Variants in ACE observed in about 807,000 individuals in gnomAD.
ACE encodes angiotensin I converting enzyme.
A neutral mutation model predicts 162.3 loss-of-function variants in ACE; 122 were observed. The ratio of observed to expected loss-of-function variants is 0.75; its 90% CI spans 0.65 to 0.87. The LOEUF is 0.87. Among genes scored for constraint, ACE ranks in the 40% least tolerant of loss-of-function variants. The probability of loss-of-function intolerance (pLI) is 0.00; values close to 1 mark genes in which losing one functional copy is unlikely to be tolerated. For synonymous variants in ACE, 796 were observed against 720.6 expected, an observed-to-expected ratio of 1.10 and a Z score of -1.68; for missense variants, 1,799 against 1,735.1, an observed-to-expected ratio of 1.04 and a Z score of -0.65.
At chr17:63,495,581 C>T (rs1031408741) in intron 22 of ACE, among the ~76,000 whole-genome samples, 11 of 152,316 alleles carry the variant, frequency 7.2e-5, no homozygotes, top group East Asian at 1.9e-4. Flanking sequence ...CTGACCTAGA[C>T]GGTGCTCCAG....
At chr17:63,479,575 C>G (rs1018781721) in intron 3 of ACE, among the ~76,000 whole-genome samples, 194 bp from the exon 4 acceptor site, 1 of 152,190 alleles carries the variant, frequency 6.6e-6, no homozygotes, top group Non-Finnish European at 1.5e-5. Context: ...GTCTCTGGGG[C>G]AGGGGCCCTG....
In ACE at chr17:63,496,881, C is replaced by T; in HGVS notation, c.3587C>T (p.Ala1196Val). The change falls in exon 24 of 25, where the codon GCC becomes GTC. Residue 1196 changes from alanine to valine, a missense_variant. Coordinates refer to ENST00000290866, the MANE Select transcript of ACE (RefSeq NM_000789.4). The part of the protein sequence containing the change: ...ITGQPNMSAS[A>V]MLSYFKPLLD... ...GGCCAGCCCAACATGAGCGCCTCGG[C>T]CATGTTGAGCTACTTCAAGCCGCTG... is the stretch of plus-strand genomic sequence containing the variant. 1.9e-6 allele frequency: 3 copies of T among 1,613,680 alleles called. No individual in the cohort carries two copies. The highest frequency in any genetic ancestry group is 1.7e-5 in the Admixed American group (1 of 60,026).
chr17:63,479,198 AG>A, intron 3 of ACE, 98 bp downstream of exon 3: 2 of 1,052,322 alleles, frequency 1.9e-6, no homozygotes, highest in Non-Finnish European at 2.8e-6. Flanking sequence ...CTGTGGAGAC[AG>A]CAGGTAAACC....
At chr17:63,496,022 G>T (rs1213657411) in intron 22 of ACE, 2 of 339,890 alleles carry the variant, frequency 5.9e-6, no homozygotes, top group East Asian at 7.4e-5. Context: ...AGATCCACAC[G>T]GCCCATTTGG....
chr17:63,493,765 C>A lies in ACE; in HGVS notation c.3136+106C>A, dbSNP rs559999850. 3.0e-4 allele frequency: 461 copies of A among 1,518,328 alleles called. 4 individuals carry two copies. The South Asian group carries it at 5.2e-3, about 17-fold the overall frequency. 94.1% of individuals were successfully genotyped at this position (1,518,328 alleles called of 1,614,324 possible). ...GTGGCCCATGGGCAGAGGTGTGGGG[C>A]AGAGCAATCGGAAGGAAGGGAGCCA... is the stretch of plus-strand genomic sequence containing the variant. On this transcript the variant is annotated intron_variant, in intron 20 of 24. Coordinates refer to ENST00000290866, the MANE Select transcript of ACE (RefSeq NM_000789.4).
chr17:63,497,232 C>G lies in ACE; in HGVS notation c.3787C>G (p.Leu1263Val). The G allele has an allele frequency of 6.3e-7, 1 of 1,590,926 alleles. No homozygotes were observed. Among genetic ancestry groups the G allele is most frequent in the Non-Finnish European group, 8.5e-7 (1 of 1,173,130 alleles). Reference sequence around the variant, plus strand: ...GGCCCGCGTGGGCCAGTGGCTGCTGCTCTTCCTGGGCATCGCCCTGCTGGT... The same window carrying G: ...GGCCCGCGTGGGCCAGTGGCTGCTGGTCTTCCTGGGCATCGCCCTGCTGGT... ...QQARVGQWLLLFLGIALLVAT... is the reference protein window; with the variant it reads ...QQARVGQWLLVFLGIALLVAT... The change falls in exon 25 of 25, where the codon CTC (leucine) becomes GTC (valine). Residue 1263 changes from leucine to valine, a missense_variant. Physicochemically the swap from Leu to Val is conservative, Grantham distance 32 (BLOSUM62 1). Transcript: ENST00000290866.
At position 63,493,582 on chromosome 17, in the gene ACE, A is replaced by G. The variant is rs1200211350; in HGVS notation, c.3059A>G (p.Asp1020Gly). The change falls in exon 20 of 25, where the codon GAC becomes GGC. Residue 1020 changes from aspartate (D) to glycine (G), a missense_variant. By Grantham distance (94) the Asp-to-Gly change is moderately conservative. Coordinates refer to ENST00000290866, the MANE Select transcript of ACE (RefSeq NM_000789.4). ...CCCGGCTTCCATGAGGCCATTGGGG[A>G]CGTGCTAGCCCTCTCAGTGTCTACG... is the stretch of plus-strand genomic sequence containing the variant. Reference protein sequence around the residue: ...ANPGFHEAIGDVLALSVSTPK... With the variant: ...ANPGFHEAIGGVLALSVSTPK... 6.2e-7 allele frequency: 1 copy of G among 1,614,010 alleles called. No individual in the cohort carries two copies. Among genetic ancestry groups the G allele is most frequent in the Non-Finnish European group, 8.5e-7 (1 of 1,180,038 alleles).
Position 63,497,859 on chromosome 17 carries a change from C to T in ACE, c.*493C>T. On this transcript the variant is annotated 3_prime_UTR_variant, in exon 25 of 25. Transcript: ENST00000290866. ...AGCCCCTGTCTGGCCCAAGCACTGA[C>T]CCACGCGGACTCTGGGAAGCAGACA... The T allele has an allele frequency of 3.5e-6, 1 of 285,030 alleles. No individual in the cohort carries two copies. Among genetic ancestry groups the T allele is most frequent in the Non-Finnish European group, 6.9e-6 (1 of 145,908 alleles). 17.7% of individuals were successfully genotyped at this position (285,030 alleles called of 1,614,324 possible).
rs1368193999 is a variant in ACE, at chr17:63,493,639, G to A, written c.3116G>A (p.Ser1039Asn). The change falls in exon 20 of 25, where the codon AGC (serine) becomes AAC (asparagine). Residue 1039 changes from serine (S) to asparagine (N), a missense_variant. By Grantham distance (46) the Ser-to-Asn change is conservative. Coordinates refer to ENST00000290866, the MANE Select transcript of ACE (RefSeq NM_000789.4). ...CACCTGCACAGTCTCAACCTGCTGA[G>A]CAGTGAGGGTGGCAGCGACGGTGAG... ...PKHLHSLNLL[S>N]SEGGSDEHDI... is the part of the protein sequence containing the mutation. 3.7e-6 allele frequency: 6 copies of A among 1,614,020 alleles called. No individual in the cohort carries two copies. The highest frequency in any genetic ancestry group is 1.3e-5 in the African/African-American group (1 of 74,942).
At position 63,479,078 on chromosome 17, in the gene ACE, C is replaced by T; in HGVS notation, c.489C>T (p.Ala163=). The change falls in exon 3 of 25, where the codon GCC becomes GCT. Residue 163 remains alanine, a synonymous_variant. Transcript: ENST00000290866. Reference sequence around the variant, plus strand: ...AGGTCTGCCTCCCCAACAAGACTGCCACCTGCTGGTCCCTGGACCCAGGTA... The same window carrying T: ...AGGTCTGCCTCCCCAACAAGACTGCTACCTGCTGGTCCCTGGACCCAGGTA... ...TAKVCLPNKT[A]TCWSLDPDLT... 1 of 1,613,420 alleles carries T rather than the reference C, an allele frequency of 6.2e-7. No individual in the cohort carries two copies. The highest frequency in any genetic ancestry group is 2.2e-5 in the East Asian group (1 of 44,790).
chr17:63,483,139 C>T lies in ACE; in HGVS notation c.1453C>T (p.Pro485Ser), dbSNP rs202178737. 3 of 1,614,096 alleles carry T rather than the reference C, an allele frequency of 1.9e-6. No homozygotes were observed. The highest frequency in any genetic ancestry group is 1.1e-5 in the South Asian group (1 of 91,082). The stretch of plus-strand genomic sequence containing the variant: ...GGGGGTCTTTAGTGGGCGTACCCCC[C>T]CTTCCCGCTACAACTTCGACTGGTG... Reference protein sequence around the residue: ...RWGVFSGRTPPSRYNFDWWYL... With the variant: ...RWGVFSGRTPSSRYNFDWWYL... Residue 485 changes from proline to serine, a missense_variant, in exon 9 of 25, where the codon CCT becomes TCT. By Grantham distance (74) the Pro-to-Ser change is moderately conservative. Coordinates refer to ENST00000290866, the MANE Select transcript of ACE (RefSeq NM_000789.4).
In ACE at chr17:63,480,429, C is replaced by G. The variant is rs1409716305; in HGVS notation, c.748C>G (p.Leu250Val). 6.8e-6 allele frequency: 11 copies of G among 1,614,060 alleles called. No homozygotes were observed. In the South Asian group the frequency reaches 1.2e-4, roughly 18 times the overall value. Residue 250 changes from leucine to valine, a missense_variant, in exon 5 of 25, where the codon CTC becomes GTC. Transcript: ENST00000290866. ...LEHLYQQLEP[L>V]YLNLHAFVRR... ...ACACCTCTACCAACAGCTAGAGCCC[C>G]TCTACCTGAACCTCCATGCCTTCGT...
At chr17:63,495,585 G>A (rs989667978) in intron 22 of ACE, among the ~76,000 whole-genome samples, 1 of 152,222 alleles carries the variant, frequency 6.6e-6, no homozygotes, top group African/African-American at 2.4e-5. Flanking sequence ...CCTAGACGGT[G>A]CTCCAGAGAT....
chr17:63,488,842 C>G (rs772791959), intron 16 of ACE, 51 bp downstream of exon 16: 2 of 1,613,832 alleles, frequency 1.2e-6, no homozygotes, highest in Non-Finnish European at 8.5e-7. Flanking sequence ...TCATTTTCCT[C>G]AAAGAGGTGC....
chr17:63,491,199 C>T lies in ACE; in HGVS notation c.2740-10C>T. 1 of 1,613,962 alleles carries T rather than the reference C, an allele frequency of 6.2e-7. No individual in the cohort carries two copies. The highest frequency in any genetic ancestry group is 1.1e-5 in the South Asian group (1 of 91,064). ...ACCCCCAGTTTGGGCAGAACTCCCT[C>T]TGCTTGCAGGGCTGGACGCCCAGGA... On this transcript the variant is annotated splice_polypyrimidine_tract_variant and intron_variant, in intron 18 of 24. Coordinates refer to ENST00000290866, the MANE Select transcript of ACE (RefSeq NM_000789.4). The surrounding 1 kb of genome is among the most constrained non-coding windows in gnomAD (Gnocchi z 4.4).
intron 10 of ACE, 24 bp downstream of exon 10, chr17:63,483,582 A>G (rs770510919): frequency 1.0e-4 from 83 of 818,626 alleles, no homozygotes; most frequent in Non-Finnish European, 1.3e-4. Flanking sequence ...CACCCCACCC[A>G]CCCCCAGTAC....
chr17:63,483,916 G>A lies in ACE; in HGVS notation c.1654G>A (p.Gly552Ser), dbSNP rs1339063327. 3.1e-6 allele frequency: 5 copies of A among 1,614,036 alleles called. No individual in the cohort carries two copies. The highest frequency in any genetic ancestry group is 1.1e-5 in the South Asian group (1 of 91,090). Residue 552 changes from glycine (G) to serine (S), a missense_variant, in exon 11 of 25, where the codon GGC (glycine) becomes AGC (serine). Transcript: ENST00000290866. ...EALCKEAGYE[G>S]PLHQCDIYRS... Reference sequence around the variant, plus strand: ...CCTGTGCAAGGAGGCAGGCTATGAGGGCCCACTGCACCAGTGTGACATCTA... The same window carrying A: ...CCTGTGCAAGGAGGCAGGCTATGAGAGCCCACTGCACCAGTGTGACATCTA...
chr17:63,486,876 C>T, intron 14 of ACE, 110 bp from the exon 15 acceptor site: 1 of 1,459,652 alleles, frequency 6.9e-7, no homozygotes, highest in Non-Finnish European at 9.6e-7. Flanking sequence ...GCAGCGCTCC[C>T]CAGCTCCCTG....
At chr17:63,488,826 G>A (rs1171788391) in intron 16 of ACE, 35 bp downstream of exon 16, 1 of 1,614,028 alleles carries the variant, frequency 6.2e-7, no homozygotes, top group African/African-American at 1.3e-5. Flanking sequence ...TGGCACTTGG[G>A]TCCCTTCATT....
Sources: allele counts gnomAD v4.1 joint callset (sites outside exome capture counted in the v4.1 genomes callset), GRCh38; gene constraint gnomAD v4.1.1; non-coding constraint Gnocchi (gnomAD v3.1); transcripts MANE v1.5; gene names NCBI Gene and HGNC (gene_info 2026-07-23, HGNC 2026-07-21).